The following DNAH7 variants were observed in gnomAD, a reference collection of about 807,000 sequenced individuals.
The protein encoded by DNAH7 is dynein axonemal heavy chain 7.
In DNAH7, 397 loss-of-function variants were observed where a neutral mutation model predicts 444.6. The ratio of observed to expected loss-of-function variants is 0.89; its 90% confidence interval spans 0.82 to 0.97. The LOEUF (loss-of-function observed/expected upper bound fraction) is 0.97, where lower values mean the gene tolerates loss of function less well. DNAH7 is among the 50% of genes least tolerant of loss of function. The probability of loss-of-function intolerance (pLI) is 0.00; values close to 1 mark genes in which losing one functional copy is unlikely to be tolerated. For missense variants in DNAH7, 4,902 were observed against 4,800.8 expected (o/e 1.02, Z -0.62); for synonymous variants, 1,636 against 1,624.4 (o/e 1.01, Z -0.17).
At chr2:195,916,098 G>C (rs1284401789) in intron 24 of DNAH7, among the ~76,000 whole-genome samples, 1 of 152,110 alleles carries the variant, frequency 6.6e-6, no homozygotes, top group Non-Finnish European at 1.5e-5. Flanking sequence ...AAATGGTGGT[G>C]AAACAACTGG....
chr2:195,796,853 A>G, intron 55 of DNAH7, 116 bp from the exon 56 acceptor site: 5 of 1,144,576 alleles, frequency 4.4e-6, no homozygotes, highest in Non-Finnish European at 6.0e-6. Context: ...ACATGTCTCA[A>G]AAAGCCAAAC....
At chr2:195,858,376 G>A in intron 43 of DNAH7, 98 bp downstream of exon 43, 8 of 981,790 alleles carry the variant, frequency 8.1e-6, no homozygotes, top group Non-Finnish European at 1.1e-5. Context: ...AAAATTTCAG[G>A]CTAATTCGGA....
At chr2:195,990,912 AAT>A (rs202159434) in intron 12 of DNAH7, among the ~76,000 whole-genome samples, 12,528 of 140,078 alleles carry the variant, frequency 0.089, 648 homozygotes, top group African/African-American at 0.12. Context: ...TATATACTTA[AAT>A]ATATATACAT....
At chr2:196,020,168 T>C (rs190442608) in intron 8 of DNAH7, among the ~76,000 whole-genome samples, 2 of 151,058 alleles carry the variant, frequency 1.3e-5, no homozygotes, top group East Asian at 3.9e-4. Context: ...ATATAACACA[T>C]AAAATATGTT....
intron 62 of DNAH7, among the ~76,000 whole-genome samples, chr2:195,755,218 T>C (rs1233359718): frequency 6.6e-6 from 1 of 152,234 alleles, no homozygotes; most frequent in South Asian, 2.1e-4. Flanking sequence ...CAATAGAATG[T>C]TGCTTTGGAA....
chr2:195,859,508 C>T (rs1699899648), intron 42 of DNAH7, among the ~76,000 whole-genome samples: 1 of 151,686 alleles, frequency 6.6e-6, no homozygotes, highest in Non-Finnish European at 1.5e-5. Flanking sequence ...TTTATAATTT[C>T]ATTTTAAAAT....
Position 196,044,428 on chromosome 2 carries a change from T to C in DNAH7, c.398+2924A>G, listed in dbSNP as rs1031469617. Among the ~76,000 whole-genome samples the C allele has an allele frequency of 2.0e-5, 3 of 147,340 alleles. No individual in the cohort carries two copies. In the Admixed American group the frequency reaches 2.0e-4, roughly 10 times the overall value. On this transcript the variant is annotated intron_variant, in intron 5 of 64. Transcript: ENST00000312428. Reference sequence around the variant, plus strand: ...GGCATAAGAATGATATCATGGACTCTGGAGACTCAAGGGGGAAAGGGTGCA... The same window carrying C: ...GGCATAAGAATGATATCATGGACTCCGGAGACTCAAGGGGGAAAGGGTGCA...
chr2:195,741,901 A>G (rs1354979914), intron 63 of DNAH7, among the ~76,000 whole-genome samples: 4 of 152,198 alleles, frequency 2.6e-5, no homozygotes, highest in Admixed American at 2.0e-4. Context: ...GGCTGGTGTG[A>G]CCAAATAACT....
intron 61 of DNAH7, among the ~76,000 whole-genome samples, chr2:195,762,253 C>A (rs1009569394): frequency 6.6e-6 from 1 of 151,786 alleles, no homozygotes; most frequent in Non-Finnish European, 1.5e-5. Context: ...AATAAATACA[C>A]AAAAAGTAAA....
At chr2:195,912,700 C>T (rs925207438) in intron 24 of DNAH7, among the ~76,000 whole-genome samples, 1 of 152,222 alleles carries the variant, frequency 6.6e-6, no homozygotes, top group Non-Finnish European at 1.5e-5. Context: ...ATCACCAAGA[C>T]ATCACTATAC....
intron 29 of DNAH7, among the ~76,000 whole-genome samples, chr2:195,895,923 C>T (rs917018744): frequency 1.1e-4 from 17 of 152,040 alleles, no homozygotes; most frequent in Non-Finnish European, 4.4e-5. Flanking sequence ...AATATTCCAC[C>T]GTAACAAAGT....
At chr2:195,778,614 G>A (rs1316428270) in intron 58 of DNAH7, among the ~76,000 whole-genome samples, 3 of 74,972 alleles carry the variant, frequency 4.0e-5, no homozygotes, top group African/African-American at 1.8e-4. Context: ...GCAAGACCCT[G>A]TCTGAAAAAA....
intron 49 of DNAH7, among the ~76,000 whole-genome samples, chr2:195,823,518 C>T (rs1697569760): frequency 6.6e-6 from 1 of 152,184 alleles, no homozygotes; most frequent in African/African-American, 2.4e-5. Context: ...ATTTCCAATA[C>T]AGGCAAGTAT....
intron 1 of DNAH7, among the ~76,000 whole-genome samples, chr2:196,061,198 T>C (rs767784106): frequency 6.6e-6 from 1 of 152,150 alleles, no homozygotes; most frequent in Non-Finnish European, 1.5e-5. Context: ...ATTTCTCCTG[T>C]TCCTTCTCAT....
intron 46 of DNAH7, among the ~76,000 whole-genome samples, chr2:195,846,514 A>G (rs761402807): frequency 1.3e-5 from 2 of 152,220 alleles, no homozygotes; most frequent in South Asian, 2.1e-4. Flanking sequence ...TATATGCCCA[A>G]AGAAATATAA....
intron 3 of DNAH7, among the ~76,000 whole-genome samples, chr2:196,050,381 C>T (rs1350543531): frequency 2.0e-5 from 3 of 151,906 alleles, no homozygotes; most frequent in Non-Finnish European, 4.4e-5. Context: ...GACAGGGTTG[C>T]TGTTTAGTCA....
At chr2:195,763,870 T>G (rs1694455789) in intron 61 of DNAH7, among the ~76,000 whole-genome samples, 1 of 151,936 alleles carries the variant, frequency 6.6e-6, no homozygotes, top group Non-Finnish European at 1.5e-5. Context: ...AATTACAAAC[T>G]TATTCCATGA....
chr2:195,970,232 G>A, intron 16 of DNAH7, 138 bp from the exon 17 acceptor site: 1 of 755,060 alleles, frequency 1.3e-6, no homozygotes, highest in Non-Finnish European at 2.0e-6. Flanking sequence ...TCTGGAAAAT[G>A]AACGAGATCT....
At chr2:195,986,466 T>C (rs968347905) in intron 14 of DNAH7, among the ~76,000 whole-genome samples, 2 of 152,198 alleles carry the variant, frequency 1.3e-5, no homozygotes, top group Non-Finnish European at 2.9e-5. Context: ...CCCATGTAAC[T>C]GATGCTAGTC....
Sources: allele counts gnomAD v4.1 joint callset (sites outside exome capture counted in the v4.1 genomes callset), GRCh38; gene constraint gnomAD v4.1.1; transcripts MANE v1.5; gene names NCBI Gene and HGNC (gene_info 2026-07-23, HGNC 2026-07-21).